Variants in FECH observed in about 807,000 individuals in gnomAD.
FECH encodes ferrochelatase, also known as ferrochelatase, mitochondrial.
FECH carries 40 observed loss-of-function variants against 56.9 expected under a neutral mutation model. That is an observed-to-expected ratio of 0.70 (90% CI 0.55 to 0.92). FECH has a LOEUF of 0.92. Among genes scored for constraint, FECH ranks in the 40% least tolerant of loss-of-function variants. The pLI, the probability that FECH is intolerant of heterozygous loss-of-function variation, is 0.00. For missense variants in FECH, 431 were observed against 529.1 expected, an observed-to-expected ratio of 0.81 and a Z score of 1.82; for synonymous variants, 175 against 198.6, an observed-to-expected ratio of 0.88 and a Z score of 1.00.
chr18:57,554,994 G>C lies in FECH; in HGVS notation c.805-42C>G, dbSNP rs370427332. On this transcript the variant is annotated intron_variant, in intron 7 of 10. Coordinates refer to ENST00000262093, the MANE Select transcript of FECH (RefSeq NM_000140.5). ...ATGGGTGTTCAGCCATTAACACTGG[G>C]AAGGCCCCGAGAGCCTCTGACTATG... 14 of 1,512,470 alleles carry C rather than the reference G, an allele frequency of 9.3e-6. No homozygotes were observed. In the African/African-American group the frequency reaches 1.2e-4, roughly 13 times the overall value. 93.7% of individuals were successfully genotyped at this position (1,512,470 alleles called of 1,614,324 possible).
chr18:57,550,525 A>T lies in FECH; in HGVS notation c.*187T>A. On this transcript the variant is annotated 3_prime_UTR_variant, in exon 11 of 11. Transcript: ENST00000262093. ...GAGAAAATACAAATGCTTACTGTAT[A>T]GTTATATAAAAATAGAAATCCATCA... 3 of 624,664 alleles carry T rather than the reference A, an allele frequency of 4.8e-6. No individual in the cohort carries two copies. Among genetic ancestry groups the T allele is most frequent in the Non-Finnish European group, 8.2e-6 (3 of 365,194 alleles). The allele number at this position is 624,664 out of a possible 1,614,324, so 38.7% of individuals were successfully genotyped here.
intron 9 of FECH, among the ~76,000 whole-genome samples, chr18:57,551,816 C>T (rs889615180): frequency 4.0e-5 from 6 of 151,844 alleles, no homozygotes; most frequent in Admixed American, 2.6e-4. Flanking sequence ...ATTAACTTAT[C>T]GACTATAAAA....
chr18:57,560,570 G>A (rs2050931368), intron 6 of FECH, among the ~76,000 whole-genome samples: 1 of 152,184 alleles, frequency 6.6e-6, no homozygotes, highest in Admixed American at 6.5e-5. Context: ...AGGATCACCT[G>A]GGCCCAGAAG....
At position 57,550,689 on chromosome 18, in the gene FECH, G is replaced by A. The variant is rs763703344; in HGVS notation, c.*23C>T. 5.0e-6 allele frequency: 8 copies of A among 1,613,744 alleles called. No individual in the cohort carries two copies. The highest frequency in any genetic ancestry group is 3.3e-5 in the Admixed American group (2 of 60,002). On this transcript the variant is annotated 3_prime_UTR_variant, in exon 11 of 11. Transcript: ENST00000262093. ...TCTGGAGGTTGGGCATTTGCCTAAC[G>A]CCACGGGGTCCACCGGCGGGGGTCA...
intron 9 of FECH, among the ~76,000 whole-genome samples, chr18:57,553,286 ACT>A (rs1278630865): frequency 6.6e-6 from 1 of 151,946 alleles, no homozygotes; most frequent in Non-Finnish European, 1.5e-5. Context: ...CTGACAAGAA[ACT>A]TAGGTGCTCC....
intron 7 of FECH, among the ~76,000 whole-genome samples, chr18:57,556,120 C>G (rs1341932011): frequency 6.6e-6 from 1 of 152,134 alleles, no homozygotes; most frequent in Non-Finnish European, 1.5e-5. Context: ...CAGAGCAAGA[C>G]TCCATCTCGA....
At chr18:57,569,383 C>T (rs1340211850) in intron 4 of FECH, among the ~76,000 whole-genome samples, 2 of 152,172 alleles carry the variant, frequency 1.3e-5, no homozygotes, top group Non-Finnish European at 2.9e-5. Context: ...CCCTAAAAAA[C>T]GACAGCATGA....
At chr18:57,560,233 T>C (rs947586697) in intron 6 of FECH, among the ~76,000 whole-genome samples, 5 of 152,196 alleles carry the variant, frequency 3.3e-5, no homozygotes, top group Non-Finnish European at 7.3e-5. Context: ...TGGTGATATA[T>C]GCATAACTTA....
chr18:57,578,073 C>T (rs1408425670), intron 2 of FECH, among the ~76,000 whole-genome samples: 3 of 151,900 alleles, frequency 2.0e-5, no homozygotes, highest in Admixed American at 2.0e-4. Flanking sequence ...TAATATTAAG[C>T]CTACTTATAT....
chr18:57,585,290 C>G (rs952805429), intron 1 of FECH, among the ~76,000 whole-genome samples: 1 of 152,206 alleles, frequency 6.6e-6, no homozygotes, highest in African/African-American at 2.4e-5. Context: ...ACTATGCCTT[C>G]AAATCAAAGT....
intron 7 of FECH, among the ~76,000 whole-genome samples, chr18:57,558,389 G>C (rs1034322606): frequency 6.6e-6 from 1 of 152,164 alleles, no homozygotes; most frequent in Non-Finnish European, 1.5e-5. Context: ...ATCCCAACTT[G>C]ATCCTCTATA....
rs541978989 is a variant in FECH at position 57,562,844 on chromosome 18, G to T, written c.705+30C>A. On this transcript the variant is annotated intron_variant, in intron 6 of 10. Transcript: ENST00000262093. Reference sequence around the variant, plus strand: ...AAGCTGATTCACACTAGATGCTGGGGTGACAGGCAGCTGGCAAGCACTGGC... The same window carrying T: ...AAGCTGATTCACACTAGATGCTGGGTTGACAGGCAGCTGGCAAGCACTGGC... 5.7e-6 allele frequency: 9 copies of T among 1,565,662 alleles called. No individual in the cohort carries two copies. In the South Asian group the frequency reaches 8.9e-5, roughly 15 times the overall value.
intron 1 of FECH, among the ~76,000 whole-genome samples, chr18:57,581,670 G>A (rs973931112): frequency 1.3e-5 from 2 of 152,210 alleles, no homozygotes; most frequent in African/African-American, 2.4e-5. Flanking sequence ...TTCCCCACCT[G>A]TAAAATGACA....
At chr18:57,570,071 GTGT>G (rs2051080463) in intron 4 of FECH, among the ~76,000 whole-genome samples, 1 of 148,360 alleles carries the variant, frequency 6.7e-6, no homozygotes, top group Non-Finnish European at 1.5e-5. Context: ...GTGTGTGTGT[GTGT>G]GTGTAGACAG....
chr18:57,580,375 G>A (rs771452661), intron 1 of FECH, among the ~76,000 whole-genome samples, 176 bp from the exon 2 acceptor site: 1 of 152,132 alleles, frequency 6.6e-6, no homozygotes, highest in Non-Finnish European at 1.5e-5. Flanking sequence ...CAAGGGGATG[G>A]GGTGGAGGAT....
intron 6 of FECH, among the ~76,000 whole-genome samples, chr18:57,561,709 G>C (rs2050945763): frequency 6.6e-6 from 1 of 152,122 alleles, no homozygotes; most frequent in Non-Finnish European, 1.5e-5. Flanking sequence ...CACTTGATCA[G>C]GGCAGGCAGA....
At chr18:57,563,133 T>C (rs1158757803) in intron 5 of FECH, among the ~76,000 whole-genome samples, 153 bp from the exon 6 acceptor site, 2 of 152,218 alleles carry the variant, frequency 1.3e-5, no homozygotes, top group African/African-American at 2.4e-5. Flanking sequence ...CTAAAATGCA[T>C]ATAGATTTAA....
chr18:57,583,057 G>A (rs973624971), intron 1 of FECH, among the ~76,000 whole-genome samples: 1 of 152,110 alleles, frequency 6.6e-6, no homozygotes, highest in Non-Finnish European at 1.5e-5. Flanking sequence ...TTTTCTCCAT[G>A]GTTCACCAGA....
At chr18:57,560,695 G>A (rs981412780) in intron 6 of FECH, among the ~76,000 whole-genome samples, 6 of 152,160 alleles carry the variant, frequency 3.9e-5, no homozygotes, top group Non-Finnish European at 8.8e-5. Context: ...GTAGATGAGA[G>A]TTCCTTATAC....
Sources: allele counts gnomAD v4.1 joint callset (sites outside exome capture counted in the v4.1 genomes callset), GRCh38; gene constraint gnomAD v4.1.1; transcripts MANE v1.5; gene names NCBI Gene and HGNC (gene_info 2026-07-23, HGNC 2026-07-21).